PTBP1: variants seen among roughly 807,000 people sequenced by gnomAD.
PTBP1 encodes the protein polypyrimidine tract binding protein 1, also known as polypyrimidine tract-binding protein 1.
A neutral mutation model predicts 59.8 loss-of-function variants in PTBP1; 8 were observed. The observed-to-expected ratio is 0.13, with a 90% CI of 0.08 to 0.24. PTBP1 has a LOEUF of 0.24. Ranked by LOEUF, PTBP1 falls within the 10% of genes least tolerant of loss-of-function variation. The pLI is 1.00. For synonymous variants in PTBP1, 490 were observed against 320.7 expected (o/e 1.53, Z -5.64); for missense variants, 686 against 767.0 (o/e 0.89, Z 1.25).
chr19:798,416 T>C (rs1391549411), intron 1 of PTBP1: 3 of 152,260 alleles, frequency 2.0e-5, no homozygotes, highest in Non-Finnish European at 4.4e-5. Context: ...ATTCTTTCCG[T>C]TTTCCTGAGA....
chr19:806,080 G>T, intron 9 of PTBP1: 1 of 291,774 alleles, frequency 3.4e-6, no homozygotes, highest in East Asian at 7.0e-5. Flanking sequence ...GCGCATGCGC[G>T]GTGGTCCCGG....
At chr19:797,804 G>A (rs1444689608) in intron 1 of PTBP1, among the ~76,000 whole-genome samples, 3 of 147,664 alleles carry the variant, frequency 2.0e-5, no homozygotes, top group African/African-American at 7.4e-5. Context: ...CTTCGCCTTT[G>A]CCCCGCCTCG....
chr19:806,136 C>T (rs1019183883), intron 9 of PTBP1: 16 of 385,206 alleles, frequency 4.2e-5, no homozygotes, highest in South Asian at 2.9e-4. Flanking sequence ...CTGGCGGAGC[C>T]GGAGCTTTTC....
Position 805,544 on chromosome 19 carries a change from C to A in PTBP1, c.945C>A (p.Pro315=), listed in dbSNP as rs745744263. The A allele has an allele frequency of 6.2e-7, 1 of 1,613,870 alleles. No homozygotes were observed. Among genetic ancestry groups the A allele is most frequent in the Non-Finnish European group, 8.5e-7 (1 of 1,179,734 alleles). The part of the protein sequence containing the change: ...ASPYAGAGFP[P]TFAIPQAAGL... ...CGTATGCAGGAGCTGGTTTCCCTCC[C>A]ACCTTTGCCATTCCTCAAGCTGCAG... is the stretch of plus-strand genomic sequence containing the variant. Residue 315 remains proline (P), a synonymous_variant, in exon 9 of 15, where the codon CCC becomes CCA. Transcript: ENST00000356948.
At position 808,217 on chromosome 19, in the gene PTBP1, C is replaced by A. The variant is rs928283184; in HGVS notation, c.1154-143C>A. On this transcript the variant is annotated intron_variant, in intron 11 of 14. Transcript: ENST00000356948. The surrounding 1 kb of genome is among the most constrained non-coding windows in gnomAD (Gnocchi z 4.7). ...CTCCTGTTAGCGCGCCCTGTGGCTG[C>A]GAGACGCAGCTCCGCAGTGGCCGAT... is the stretch of plus-strand genomic sequence containing the variant. 1.4e-6 allele frequency: 1 copy of A among 709,388 alleles called. No individual in the cohort carries two copies. The highest frequency in any genetic ancestry group is 2.4e-6 in the Non-Finnish European group (1 of 410,168). 43.9% of individuals were successfully genotyped at this position (709,388 alleles called of 1,614,324 possible). A position where few individuals can be genotyped will look rare whatever the true frequency, so the allele number is the denominator to read the frequency against.
rs563414326 is a variant in PTBP1 at position 802,907 on chromosome 19, G to A, written c.40-654G>A. 2.0e-4 allele frequency among the ~76,000 whole-genome samples: 30 copies of A among 152,374 alleles called. 1 individual carries two copies. The South Asian group carries it at 6.0e-3, about 30-fold the overall frequency. On this transcript the variant is annotated intron_variant, in intron 2 of 14. Coordinates refer to ENST00000356948, the MANE Select transcript of PTBP1 (RefSeq NM_002819.5). ...ACAGGTCAGAAGTGATGGAGCCGCT[G>A]TGGAGCTCCCCCGGCCCTAGTCACG...
At position 806,393 on chromosome 19, in the gene PTBP1, C is replaced by G. The variant is rs751947524; in HGVS notation, c.971-15C>G. The G allele has an allele frequency of 6.3e-7, 1 of 1,595,366 alleles. No individual in the cohort carries two copies. The highest frequency in any genetic ancestry group is 8.5e-7 in the Non-Finnish European group (1 of 1,172,048). On this transcript the variant is annotated splice_polypyrimidine_tract_variant and intron_variant, in intron 9 of 14. Coordinates refer to ENST00000356948, the MANE Select transcript of PTBP1 (RefSeq NM_002819.5). The stretch of plus-strand genomic sequence containing the variant: ...TCGGGGGCGCCGCCGCTCATCTCAC[C>G]TCCTGCTTTTCCAGGCCTTTCCGTT...
At chr19:805,599 G>A in intron 9 of PTBP1, 30 bp downstream of exon 9, 2 of 1,565,992 alleles carry the variant, frequency 1.3e-6, no homozygotes, top group Non-Finnish European at 1.8e-6. Context: ...TGGTTCCCCA[G>A]CGACTGCATG....
chr19:800,258 C>G (rs1174203940), intron 2 of PTBP1, among the ~76,000 whole-genome samples: 1 of 152,050 alleles, frequency 6.6e-6, no homozygotes, highest in Non-Finnish European at 1.5e-5. Flanking sequence ...TTGATGGCAT[C>G]TGGTTAGAAC....
At chr19:800,854 C>G (rs765642048) in intron 2 of PTBP1, among the ~76,000 whole-genome samples, 3 of 152,150 alleles carry the variant, frequency 2.0e-5, no homozygotes, top group Non-Finnish European at 4.4e-5. Flanking sequence ...TCCTTGAGCC[C>G]TCCTCTGCAG....
At chr19:809,216 C>T (rs2034731590) in intron 13 of PTBP1, among the ~76,000 whole-genome samples, 1 of 151,340 alleles carries the variant, frequency 6.6e-6, no homozygotes, top group Non-Finnish European at 1.5e-5. Context: ...ACCATATTGG[C>T]CAGGCTGATC....
chr19:802,479 C>T (rs2034377373), intron 2 of PTBP1, among the ~76,000 whole-genome samples: 1 of 152,080 alleles, frequency 6.6e-6, no homozygotes, highest in East Asian at 1.9e-4. Flanking sequence ...GGTGTGATAT[C>T]CACTGGTTCT....
intron 2 of PTBP1, among the ~76,000 whole-genome samples, chr19:799,685 G>T (rs2034245682): frequency 6.6e-6 from 1 of 152,156 alleles, no homozygotes; most frequent in African/African-American, 2.4e-5. Flanking sequence ...CTGCTCTTCG[G>T]TTCTTGCTGT....
At chr19:800,464 G>T (rs1011307902) in intron 2 of PTBP1, among the ~76,000 whole-genome samples, 4 of 152,190 alleles carry the variant, frequency 2.6e-5, no homozygotes, top group Admixed American at 2.6e-4. Context: ...GCTTAGCTGG[G>T]GTAGTTGGTT....
chr19:806,902 G>A (rs926017024), intron 10 of PTBP1: 10 of 203,432 alleles, frequency 4.9e-5, no homozygotes, highest in African/African-American at 2.1e-4. Flanking sequence ...CAGGGTTAGC[G>A]CGGCGGGGTG....
chr19:798,448 C>T (rs1568260995), intron 1 of PTBP1: 1 of 152,316 alleles, frequency 6.6e-6, no homozygotes, highest in Non-Finnish European at 1.5e-5. Context: ...GGTTCAGTCA[C>T]TTTTAAAAGT....
At chr19:805,326 C>T in intron 8 of PTBP1, 139 bp downstream of exon 8, 3 of 1,210,398 alleles carry the variant, frequency 2.5e-6, no homozygotes, top group African/African-American at 1.5e-5. Context: ...ACAGCACGGT[C>T]CAGTGTCCCC....
chr19:803,435 T>TGG, intron 2 of PTBP1, 126 bp from the exon 3 acceptor site: 1 of 738,222 alleles, frequency 1.4e-6, no homozygotes, highest in East Asian at 2.5e-5. Flanking sequence ...CGTGGAAGTG[T>TGG]GGGTGTGGGT....
At chr19:806,731 C>T (rs2034598485) in intron 10 of PTBP1, 175 bp downstream of exon 10, 3 of 541,846 alleles carry the variant, frequency 5.5e-6, no homozygotes, top group Non-Finnish European at 9.2e-6. Context: ...TTGAGTTTTC[C>T]TCTTTTCCTG....
Sources: allele counts gnomAD v4.1 joint callset (sites outside exome capture counted in the v4.1 genomes callset), GRCh38; gene constraint gnomAD v4.1.1; non-coding constraint Gnocchi (gnomAD v3.1); transcripts MANE v1.5; gene names NCBI Gene and HGNC (gene_info 2026-07-23, HGNC 2026-07-21).